UROC1: variants seen among roughly 807,000 people sequenced by gnomAD.
UROC1 encodes the protein urocanate hydratase 1, also known as urocanate hydratase.
Under a neutral mutation model 89.5 loss-of-function variants are expected in UROC1, and 79 were observed. That is an observed-to-expected ratio of 0.88 (90% confidence interval 0.74 to 1.06). The LOEUF is 1.06. Among genes scored for constraint, UROC1 ranks in the 50% least tolerant of loss-of-function variants. UROC1 has a pLI of 0.00. For synonymous variants in UROC1, 361 were observed against 354.8 expected, an observed-to-expected ratio of 1.02 and a Z score of -0.20; for missense variants, 885 against 907.8, an observed-to-expected ratio of 0.97 and a Z score of 0.32.
intron 15 of UROC1, among the ~76,000 whole-genome samples, chr3:126,495,736 A>T (rs1229148361): frequency 6.6e-6 from 1 of 152,198 alleles, no homozygotes; most frequent in Admixed American, 6.5e-5. Context: ...CCTGATTTCC[A>T]TGTGGCTGCA....
Position 126,482,208 on chromosome 3 carries a change from C to G in UROC1, c.*137G>C, listed in dbSNP as rs1374541841. 7.6e-7 allele frequency: 1 copy of G among 1,320,444 alleles called. No individual in the cohort carries two copies. The highest frequency in any genetic ancestry group is 1.1e-6 in the Non-Finnish European group (1 of 948,272). The allele number at this position is 1,320,444 out of a possible 1,614,324, so 81.8% of individuals were successfully genotyped here. A position where few individuals can be genotyped will look rare whatever the true frequency, so the allele number is the denominator to read the frequency against. ...AATGAGGCTGTGGTGGCACCCTGCA[C>G]AGGGCACCATAAGGGCCACGTGAGG... On this transcript the variant is annotated 3_prime_UTR_variant, in exon 20 of 20. Coordinates refer to ENST00000290868, the MANE Select transcript of UROC1 (RefSeq NM_144639.3).
intron 3 of UROC1, 103 bp from the exon 4 acceptor site, chr3:126,508,578 C>T: frequency 2.2e-6 from 2 of 917,688 alleles, no homozygotes; most frequent in Non-Finnish European, 3.5e-6. Flanking sequence ...CCCAATGGGA[C>T]AAGGAGAGAA....
intron 1 of UROC1, among the ~76,000 whole-genome samples, chr3:126,514,947 T>C (rs1024966072): frequency 1.3e-5 from 2 of 152,008 alleles, no homozygotes; most frequent in Non-Finnish European, 2.9e-5. Flanking sequence ...CAAATACATA[T>C]GTTAAAGATC....
intron 15 of UROC1, among the ~76,000 whole-genome samples, chr3:126,493,083 G>C (rs946139633): frequency 6.6e-6 from 1 of 152,128 alleles, no homozygotes; most frequent in Non-Finnish European, 1.5e-5. Flanking sequence ...CTGCACCCAC[G>C]AGCTCAGCCA....
chr3:126,501,698 A>G, intron 9 of UROC1: 1 of 1,380,466 alleles, frequency 7.2e-7, no homozygotes, highest in East Asian at 2.3e-5. Flanking sequence ...ATTTTGGGAA[A>G]CAGAAGATTT....
chr3:126,488,257 C>T lies in UROC1; in HGVS notation c.1731G>A (p.Val577=). Residue 577 remains valine, a synonymous_variant, in exon 18 of 20, where the codon GTG becomes GTA. Coordinates refer to ENST00000290868, the MANE Select transcript of UROC1 (RefSeq NM_144639.3). The part of the protein sequence containing the change: ...FCADMAVQNF[V]GDACRGATWV... Reference sequence around the variant, plus strand: ...AGGTGGCTCCGCGACAGGCATCTCCCACGAAGTTCTGCACAGCCATGTCTG... The same window carrying T: ...AGGTGGCTCCGCGACAGGCATCTCCTACGAAGTTCTGCACAGCCATGTCTG... The T allele has an allele frequency of 6.2e-7, 1 of 1,614,224 alleles. No individual in the cohort carries two copies. Among genetic ancestry groups the T allele is most frequent in the Non-Finnish European group, 8.5e-7 (1 of 1,180,046 alleles).
At chr3:126,496,734 T>C (rs1468574136) in intron 14 of UROC1, among the ~76,000 whole-genome samples, 3 of 152,206 alleles carry the variant, frequency 2.0e-5, no homozygotes, top group Non-Finnish European at 2.9e-5. Context: ...GTGGTTAACA[T>C]AAATATCATT....
In UROC1 at chr3:126,508,015, G is replaced by C. The variant is rs1936109218; in HGVS notation, c.492C>G (p.Leu164=). 3 of 1,614,072 alleles carry C rather than the reference G, an allele frequency of 1.9e-6. No homozygotes were observed. Among genetic ancestry groups the C allele is most frequent in the Non-Finnish European group, 1.7e-6 (2 of 1,180,036 alleles). The change falls in exon 5 of 20, where the codon CTC becomes CTG. Residue 164 remains leucine (L), a synonymous_variant. Transcript: ENST00000290868. ...GTGGGGCACTGCGGCTGCTGGGAAA[G>C]AGGCCAAGTGGGTGCCCACTGTACA... ...LVMYSGHPLG[L]FPSSRSAPRL...
intron 6 of UROC1, among the ~76,000 whole-genome samples, 185 bp from the exon 7 acceptor site, chr3:126,506,196 T>C (rs1936056383): frequency 6.6e-6 from 1 of 152,212 alleles, no homozygotes; most frequent in South Asian, 2.1e-4. Context: ...CCTTGTCCCC[T>C]CTCGCCTTCC....
At chr3:126,501,099 G>A in intron 10 of UROC1, 119 bp downstream of exon 10, 3 of 1,243,074 alleles carry the variant, frequency 2.4e-6, no homozygotes, top group Non-Finnish European at 3.6e-6. Flanking sequence ...AACAAGGGTG[G>A]CGCTGAACTG....
intron 18 of UROC1, among the ~76,000 whole-genome samples, chr3:126,486,060 C>T (rs1029768840): frequency 6.6e-6 from 1 of 152,316 alleles, no homozygotes; most frequent in African/African-American, 2.4e-5. Flanking sequence ...CAGAATCCAT[C>T]GGCGCCCCAG....
Position 126,482,435 on chromosome 3 carries a change from G to A in UROC1, c.1941C>T (p.Cys647=), listed in dbSNP as rs145891023. 652 of 1,613,904 alleles carry A rather than the reference G, an allele frequency of 4.0e-4. 2 individuals are homozygous for A. The highest frequency in any genetic ancestry group is 5.0e-4 in the Non-Finnish European group (592 of 1,180,016). ...AGGTGCTGTTCTCCTGCATGGTCTG[G>A]CAGATGATCTCATAGGCCTTCTGGT... ...SGNQKAYEII[C]QTMQENSTLV... is the part of the protein sequence containing the mutation. The change falls in exon 20 of 20, where the codon TGC becomes TGT. Residue 647 remains cysteine, a synonymous_variant. Transcript: ENST00000290868.
chr3:126,500,019 G>T, intron 12 of UROC1, 38 bp downstream of exon 12: 1 of 1,585,674 alleles, frequency 6.3e-7, no homozygotes. Flanking sequence ...GCCCAGGGTG[G>T]TGGCCCCTCC....
intron 1 of UROC1, among the ~76,000 whole-genome samples, chr3:126,514,162 T>G (rs548277725): frequency 6.6e-6 from 1 of 152,368 alleles, no homozygotes; most frequent in East Asian, 1.9e-4. Flanking sequence ...CAACTCTTAT[T>G]CATTCTGCAA....
chr3:126,510,585 G>A (rs1032104204), intron 2 of UROC1, 79 bp downstream of exon 2: 2 of 1,586,994 alleles, frequency 1.3e-6, no homozygotes, highest in East Asian at 2.3e-5. Flanking sequence ...CTCCCTCCTT[G>A]TTCCTGGCCC....
intron 18 of UROC1, among the ~76,000 whole-genome samples, chr3:126,485,786 G>A (rs1360731518): frequency 6.6e-6 from 1 of 151,690 alleles, no homozygotes; most frequent in Non-Finnish European, 1.5e-5. Flanking sequence ...ATCCCCAGAG[G>A]ATTTCTGTGC....
intron 6 of UROC1, among the ~76,000 whole-genome samples, chr3:126,507,277 G>T (rs571023098): frequency 1.3e-5 from 2 of 150,658 alleles, no homozygotes; most frequent in Non-Finnish European, 2.9e-5. Context: ...TTACATGCAA[G>T]TTTCACCTCA....
rs1490622200 is a variant in UROC1 at position 126,498,074 on chromosome 3, A to C, written c.1415T>G (p.Leu472Arg). Residue 472 changes from leucine to arginine, a missense_variant, in exon 14 of 20, where the codon CTG becomes CGG. By Grantham distance (102) the Leu-to-Arg change is moderately radical (BLOSUM62 -2). Coordinates refer to ENST00000290868, the MANE Select transcript of UROC1 (RefSeq NM_144639.3). Reference sequence around the variant, plus strand: ...ACCTCCATCAGCAATGGCTTCCTCCAGCACAGATGTGGCCAGTTCGTCTGT... The same window carrying C: ...ACCTCCATCAGCAATGGCTTCCTCCCGCACAGATGTGGCCAGTTCGTCTGT... The part of the protein sequence containing the change: ...AVTDELATSV[L>R]EEAIADGVKV... 1 of 1,614,144 alleles carries C rather than the reference A, an allele frequency of 6.2e-7. No individual in the cohort carries two copies. Among genetic ancestry groups the C allele is most frequent in the Admixed American group, 1.7e-5 (1 of 60,030 alleles).
At chr3:126,517,042 A>G (rs1936343965) in intron 1 of UROC1, among the ~76,000 whole-genome samples, 1 of 151,982 alleles carries the variant, frequency 6.6e-6, no homozygotes. Context: ...CAAATGACAA[A>G]AGGGAGGTTC....
Sources: gnomAD v4.1 joint callset for allele counts (sites outside exome capture counted in the v4.1 genomes callset) on GRCh38, gnomAD v4.1.1 for gene constraint, MANE v1.5 for transcripts, NCBI Gene and HGNC (gene_info 2026-07-23, HGNC 2026-07-21) for gene names.